The following FTCDNL1 variants were observed in gnomAD, a reference collection of about 807,000 sequenced individuals.
FTCDNL1 encodes formiminotransferase N-terminal subdomain-containing protein.
Under a neutral mutation model 5.9 loss-of-function variants are expected in FTCDNL1, and 11 were observed. The ratio of observed to expected loss-of-function variants is 1.87; its 90% CI spans 1.18 to 3.10. The LOEUF (loss-of-function observed/expected upper bound fraction) is 3.10, where lower values mean the gene tolerates loss of function less well. Ranked by LOEUF, FTCDNL1 falls within the 30% of genes most tolerant of loss-of-function variation. The probability of loss-of-function intolerance (pLI) is 0.00; values close to 1 mark genes in which losing one functional copy is unlikely to be tolerated. For missense variants in FTCDNL1, 115 were observed against 65.5 expected, an observed-to-expected ratio of 1.76 and a Z score of -2.61; for synonymous variants, 58 against 24.8, an observed-to-expected ratio of 2.34 and a Z score of -3.99.
the FTCDNL1 span, among the ~76,000 whole-genome samples, chr2:199,732,147 T>C: frequency 6.6e-6 from 1 of 152,168 alleles, no homozygotes; most frequent in Admixed American, 6.5e-5. Context: ...TCAAGTTCAC[T>C]CTCAGCCTCC....
intron 3 of FTCDNL1, among the ~76,000 whole-genome samples, chr2:199,840,081 C>A (rs1377848731): frequency 6.6e-6 from 1 of 152,152 alleles, no homozygotes; most frequent in Non-Finnish European, 1.5e-5. Context: ...TTATCCTCAA[C>A]ACACTGAGGG....
At chr2:199,757,983 C>T (rs968786984), downstream of FTCDNL1, among the ~76,000 whole-genome samples, 10 of 152,080 alleles carry the variant, frequency 6.6e-5, no homozygotes, top group Non-Finnish European at 5.9e-5. Context: ...AGTGGAATAT[C>T]CTTGGCTAAA....
At chr2:199,762,243 G>A (rs1027759829) in intron 3 of FTCDNL1, among the ~76,000 whole-genome samples, 1 of 152,102 alleles carries the variant, frequency 6.6e-6, no homozygotes, top group Non-Finnish European at 1.5e-5. Context: ...GCCGAGCATG[G>A]TGGTGGGCAC....
chr2:199,824,369 T>C (rs898152842), intron 3 of FTCDNL1, among the ~76,000 whole-genome samples: 16 of 152,244 alleles, frequency 1.1e-4, no homozygotes, highest in Non-Finnish European at 2.4e-4. Flanking sequence ...ATGTTATGGC[T>C]TGTTTGATCT....
At chr2:199,665,492 G>T in the FTCDNL1 span, among the ~76,000 whole-genome samples, 3 of 151,994 alleles carry the variant, frequency 2.0e-5, no homozygotes, top group African/African-American at 7.3e-5. Context: ...AAATTAGCTG[G>T]GGTGGTGGTG....
chr2:199,784,848 C>G (rs1699553792), intron 3 of FTCDNL1, among the ~76,000 whole-genome samples: 1 of 152,154 alleles, frequency 6.6e-6, no homozygotes, highest in African/African-American at 2.4e-5. Flanking sequence ...ACAGGGGCTT[C>G]TAGAAAAGTG....
chr2:199,683,677 T>C, the FTCDNL1 span, among the ~76,000 whole-genome samples: 1 of 151,932 alleles, frequency 6.6e-6, no homozygotes, highest in African/African-American at 2.4e-5. Context: ...TGACAGTATT[T>C]TCTTTTGATC....
At chr2:199,732,831 T>C in the FTCDNL1 span, among the ~76,000 whole-genome samples, 4 of 152,328 alleles carry the variant, frequency 2.6e-5, no homozygotes, top group East Asian at 5.8e-4. Flanking sequence ...AAGGGACAAT[T>C]AACTCTCTCC....
chr2:199,742,958 C>T, the FTCDNL1 span, among the ~76,000 whole-genome samples: 4 of 152,128 alleles, frequency 2.6e-5, no homozygotes, highest in East Asian at 5.8e-4. Context: ...GGAAAATAAG[C>T]GAGCATTATA....
intron 3 of FTCDNL1, among the ~76,000 whole-genome samples, chr2:199,777,389 TGGA>T (rs1699145762): frequency 6.6e-6 from 1 of 152,190 alleles, no homozygotes; most frequent in South Asian, 2.1e-4. Flanking sequence ...ACCAGTAGGC[TGGA>T]GACCCAGTGA....
At chr2:199,723,576 G>A in the FTCDNL1 span, among the ~76,000 whole-genome samples, 1 of 152,058 alleles carries the variant, frequency 6.6e-6, no homozygotes, top group Non-Finnish European at 1.5e-5. Flanking sequence ...CTAGTTTATT[G>A]AGAGTTTTTA....
chr2:199,845,991 G>A (rs920570878), intron 3 of FTCDNL1, 84 bp downstream of exon 3: 8 of 583,498 alleles, frequency 1.4e-5, no homozygotes, highest in Non-Finnish European at 2.4e-5. Context: ...CATATTTACA[G>A]AGGAAATCAA....
chr2:199,759,923 G>T (rs72922373), downstream of FTCDNL1, among the ~76,000 whole-genome samples: 4,135 of 152,288 alleles, frequency 0.027, 124 homozygotes, highest in East Asian at 0.16. Flanking sequence ...AATCATGCAT[G>T]TGGACAGCTC....
chr2:199,748,448 C>G, the FTCDNL1 span, among the ~76,000 whole-genome samples: 2 of 152,086 alleles, frequency 1.3e-5, no homozygotes, highest in African/African-American at 4.8e-5. Flanking sequence ...TGCTTCTTCT[C>G]CTGTATTCCT....
chr2:199,668,670 T>C, the FTCDNL1 span, among the ~76,000 whole-genome samples: 1 of 152,080 alleles, frequency 6.6e-6, no homozygotes, highest in East Asian at 1.9e-4. Flanking sequence ...AGTTTCCTAT[T>C]ATTATTATTA....
At chr2:199,708,855 T>C in the FTCDNL1 span, among the ~76,000 whole-genome samples, 1 of 152,158 alleles carries the variant, frequency 6.6e-6, no homozygotes, top group African/African-American at 2.4e-5. Context: ...ATGGTATCCA[T>C]AAGTACATTT....
intron 4 of FTCDNL1, among the ~76,000 whole-genome samples, chr2:199,814,419 T>C (rs1701227794): frequency 6.6e-6 from 1 of 152,246 alleles, no homozygotes; most frequent in African/African-American, 2.4e-5. Context: ...GCTCTCTTTC[T>C]GTAAAATGGT....
chr2:199,765,556 A>ATATATATATATATATTT, intron 3 of FTCDNL1, among the ~76,000 whole-genome samples: 3 of 42,662 alleles, frequency 7.0e-5, no homozygotes, highest in African/African-American at 1.9e-4. Flanking sequence ...ATATATATAT[A>ATATATATATATATATTT]TTTTTTTTTT....
In FTCDNL1 at chr2:199,839,408, T is replaced by G. The variant is rs7581984; in HGVS notation, c.211+6667A>C. Among the ~76,000 whole-genome samples, 307 of 152,296 alleles carry G rather than the reference T, an allele frequency of 2.0e-3. 1 individual carries two copies. Among genetic ancestry groups the G allele is most frequent in the African/African-American group, 7.0e-3 (292 of 41,572 alleles). On this transcript the variant is annotated intron_variant, in intron 3 of 4. Coordinates refer to ENST00000420128, the MANE Select transcript of FTCDNL1 (RefSeq NM_001363886.2). The stretch of plus-strand genomic sequence containing the variant: ...GTAGACGAAATTCACCAGAAAGTGT[T>G]ATAAAAATAGAGTGATGGAAAATAA...
Sources: allele counts gnomAD v4.1 joint callset (sites outside exome capture counted in the v4.1 genomes callset), GRCh38; gene constraint gnomAD v4.1.1; transcripts MANE v1.5; gene names NCBI Gene and HGNC (gene_info 2026-07-23, HGNC 2026-07-21).